Variants in TBCE observed in about 807,000 individuals in gnomAD.
TBCE encodes tubulin folding cofactor E, also known as tubulin-specific chaperone E.
In TBCE, 53 loss-of-function variants were observed where a neutral mutation model predicts 77.0. The ratio of observed to expected loss-of-function variants is 0.69; its 90% CI spans 0.55 to 0.87. The LOEUF is 0.87. Among genes scored for constraint, TBCE ranks in the 40% least tolerant of loss-of-function variants. The probability of loss-of-function intolerance (pLI) is 0.00; values close to 1 mark genes in which losing one functional copy is unlikely to be tolerated. For synonymous variants in TBCE, 235 were observed against 241.3 expected, an observed-to-expected ratio of 0.97 and a Z score of 0.24; for missense variants, 624 against 622.4, an observed-to-expected ratio of 1.00 and a Z score of -0.03.
Position 235,434,228 on chromosome 1 carries a change from C to T in TBCE, c.685C>T (p.Pro229Ser). 6.2e-7 allele frequency: 1 copy of T among 1,614,050 alleles called. No individual in the cohort carries two copies. The highest frequency in any genetic ancestry group is 1.1e-5 in the South Asian group (1 of 91,066). ...GGTGCTGCGGTGTGTCGCGGGGTGC[C>T]CAGGCCTGGAGGAACTCTACCTTGA... Reference protein sequence around the residue: ...AEVLRCVAGCPGLEELYLESN... With the variant: ...AEVLRCVAGCSGLEELYLESN... The change falls in exon 8 of 17, where the codon CCA (proline) becomes TCA (serine). Residue 229 changes from proline (P) to serine (S), a missense_variant. Coordinates refer to ENST00000642610, the MANE Select transcript of TBCE (RefSeq NM_003193.5).
intron 6 of TBCE, among the ~76,000 whole-genome samples, chr1:235,428,073 C>T (rs1337885584): frequency 6.6e-6 from 1 of 151,566 alleles, no homozygotes; most frequent in Non-Finnish European, 1.5e-5. Context: ...GCCTGGAATC[C>T]CAACACTTTG....
At chr1:235,400,408 C>CTTTTTTTTGTTTTTTTT (rs1679023255) in intron 2 of TBCE, among the ~76,000 whole-genome samples, 1 of 106,050 alleles carries the variant, frequency 9.4e-6, no homozygotes. Context: ...TATTTTTCCT[C>CTTTTTTTTGTTTTTTTT]TTTTTTTTTT....
intron 3 of TBCE, among the ~76,000 whole-genome samples, chr1:235,402,065 CTTTTTTTTTT>C (rs55848781): frequency 1.5e-5 from 2 of 134,888 alleles, no homozygotes; most frequent in African/African-American, 2.7e-5. Flanking sequence ...ATTTCTTTGT[CTTTTTTTTTT>C]TTTTTTTGAG....
intron 1 of TBCE, among the ~76,000 whole-genome samples, chr1:235,371,654 G>A (rs900805657): frequency 3.3e-5 from 5 of 151,570 alleles, no homozygotes; most frequent in East Asian, 1.9e-4. Flanking sequence ...AGGATTACAG[G>A]CGTGAGCTAC....
intron 1 of TBCE, among the ~76,000 whole-genome samples, chr1:235,368,352 G>T (rs1164852751): frequency 6.6e-6 from 1 of 152,154 alleles, no homozygotes; most frequent in Non-Finnish European, 1.5e-5. Context: ...AACTGTTAGA[G>T]AAAGTTAGTG....
chr1:235,436,565 C>T lies in TBCE; in HGVS notation c.920C>T (p.Pro307Leu). Residue 307 changes from proline (P) to leucine (L), a missense_variant, in exon 11 of 17, where the codon CCA becomes CTA. By Grantham distance (98) the Pro-to-Leu change is moderately conservative. Coordinates refer to ENST00000642610, the MANE Select transcript of TBCE (RefSeq NM_003193.5). ...AGIGCKTSMF[P>L]SLKYLVVNDN... Reference sequence around the variant, plus strand: ...ATAGGGTGCAAAACGTCCATGTTCCCATCCTTGAAGTACCTGGTAGTAAAC... The same window carrying T: ...ATAGGGTGCAAAACGTCCATGTTCCTATCCTTGAAGTACCTGGTAGTAAAC... The T allele has an allele frequency of 6.2e-7, 1 of 1,614,034 alleles. No homozygotes were observed. Among genetic ancestry groups the T allele is most frequent in the Non-Finnish European group, 8.5e-7 (1 of 1,179,956 alleles).
chr1:235,384,909 G>A (rs1156872276), intron 2 of TBCE, among the ~76,000 whole-genome samples: 1 of 151,228 alleles, frequency 6.6e-6, no homozygotes, highest in East Asian at 1.9e-4. Flanking sequence ...TGTGATGTTA[G>A]GGTGTCAATT....
intron 1 of TBCE, among the ~76,000 whole-genome samples, chr1:235,369,029 G>A (rs750363665): frequency 1.1e-4 from 16 of 151,980 alleles, no homozygotes; most frequent in Non-Finnish European, 2.2e-4. Context: ...ACACTCCCAG[G>A]CTCTTGTTAT....
At chr1:235,398,441 C>T (rs545812012) in intron 2 of TBCE, among the ~76,000 whole-genome samples, 11 of 151,828 alleles carry the variant, frequency 7.2e-5, no homozygotes, top group Non-Finnish European at 1.5e-4. Flanking sequence ...CCACCGTGCC[C>T]GGGTATTGGA....
intron 14 of TBCE, 82 bp from the exon 15 acceptor site, chr1:235,442,770 G>T: frequency 7.6e-7 from 1 of 1,322,872 alleles, no homozygotes; most frequent in Non-Finnish European, 1.1e-6. Flanking sequence ...TCTATCATTT[G>T]GCCATCTGTT....
intron 4 of TBCE, among the ~76,000 whole-genome samples, chr1:235,417,083 T>A (rs1169180863): frequency 6.6e-6 from 1 of 152,224 alleles, no homozygotes; most frequent in Non-Finnish European, 1.5e-5. Flanking sequence ...AAAATCCAGC[T>A]GACCAGCTTT....
At chr1:235,436,674 A>G (rs897689814) in intron 11 of TBCE, 66 bp downstream of exon 11, 1 of 1,454,200 alleles carries the variant, frequency 6.9e-7, no homozygotes, top group South Asian at 1.1e-5. Flanking sequence ...CAGAGTTTGG[A>G]GGTTCCTTCT....
chr1:235,415,461 G>T (rs1460029899), intron 4 of TBCE: 2 of 152,032 alleles, frequency 1.3e-5, no homozygotes, highest in Non-Finnish European at 2.9e-5. Flanking sequence ...GCCAGGCCTT[G>T]CAGCTTCCTA....
intron 1 of TBCE, among the ~76,000 whole-genome samples, chr1:235,371,411 T>C (rs928628172): frequency 2.0e-5 from 3 of 148,640 alleles, no homozygotes; most frequent in African/African-American, 5.0e-5. Context: ...GGTCTCCCTC[T>C]GTCACCCAGG....
chr1:235,393,790 T>G (rs1204715162), intron 2 of TBCE, among the ~76,000 whole-genome samples: 2 of 152,132 alleles, frequency 1.3e-5, no homozygotes, highest in African/African-American at 4.8e-5. Context: ...CAAATAGATA[T>G]ATATGTATTT....
At chr1:235,377,688 G>A (rs1268220239) in intron 1 of TBCE, among the ~76,000 whole-genome samples, 3 of 145,470 alleles carry the variant, frequency 2.1e-5, no homozygotes, top group African/African-American at 5.2e-5. Flanking sequence ...GTCTTGCTCT[G>A]TCACCCAGGC....
chr1:235,380,825 A>G lies in TBCE; in HGVS notation c.100+676A>G, dbSNP rs150055236. Among the ~76,000 whole-genome samples, 927 of 152,168 alleles carry G rather than the reference A, an allele frequency of 6.1e-3. 9 individuals are homozygous for G. The highest frequency in any genetic ancestry group is 0.021 in the African/African-American group (893 of 41,542). Reference sequence around the variant, plus strand: ...TTTGAGACAGAGTTTCGCTCTTGTTATTCAGGCTGGAGTGTAGTGGTGCGA... The same window carrying G: ...TTTGAGACAGAGTTTCGCTCTTGTTGTTCAGGCTGGAGTGTAGTGGTGCGA... On this transcript the variant is annotated intron_variant, in intron 2 of 16. Coordinates refer to ENST00000642610, the MANE Select transcript of TBCE (RefSeq NM_003193.5).
At chr1:235,445,257 T>C (rs540128030) in intron 15 of TBCE, among the ~76,000 whole-genome samples, 8 of 152,332 alleles carry the variant, frequency 5.3e-5, no homozygotes, top group Admixed American at 1.3e-4. Context: ...CACTCACTCA[T>C]ACAAAGGTTC....
chr1:235,379,994 A>T (rs1436397412), intron 1 of TBCE, 25 bp from the exon 2 acceptor site: 6 of 1,299,242 alleles, frequency 4.6e-6, no homozygotes, highest in Non-Finnish European at 6.7e-6. Flanking sequence ...TTAAGTTCTT[A>T]TCAGTGTTGT....
Sources: allele counts gnomAD v4.1 joint callset (sites outside exome capture counted in the v4.1 genomes callset), GRCh38; gene constraint gnomAD v4.1.1; transcripts MANE v1.5; gene names NCBI Gene and HGNC (gene_info 2026-07-23, HGNC 2026-07-21).